Variants in ITGAV observed in about 807,000 individuals in gnomAD.
ITGAV encodes the protein integrin subunit alpha V, also known as integrin alpha-V.
Under a neutral mutation model 143.8 loss-of-function variants are expected in ITGAV, and 76 were observed. The observed-to-expected ratio is 0.53, with a 90% confidence interval of 0.44 to 0.64. The LOEUF (loss-of-function observed/expected upper bound fraction) is 0.64, where lower values mean the gene tolerates loss of function less well. Ranked by LOEUF, ITGAV falls within the 30% of genes least tolerant of loss-of-function variation. The pLI, the probability that ITGAV is intolerant of heterozygous loss-of-function variation, is 0.00. For synonymous variants in ITGAV, 453 were observed against 446.7 expected (o/e 1.01, Z -0.18); for missense variants, 1,193 against 1,274.7 (o/e 0.94, Z 0.98).
At chr2:186,608,132 G>T (rs1687119384) in intron 2 of ITGAV, among the ~76,000 whole-genome samples, 1 of 152,176 alleles carries the variant, frequency 6.6e-6, no homozygotes, top group African/African-American at 2.4e-5. Context: ...GTGGACAGTT[G>T]TATAGGAAAG....
At chr2:186,613,211 G>A (rs1009786073) in intron 2 of ITGAV, among the ~76,000 whole-genome samples, 11 of 150,148 alleles carry the variant, frequency 7.3e-5, no homozygotes, top group Non-Finnish European at 1.5e-4. Flanking sequence ...GATGCTTTCA[G>A]GATCATTTCC....
intron 18 of ITGAV, among the ~76,000 whole-genome samples, chr2:186,662,262 A>G (rs1023215231): frequency 6.6e-6 from 1 of 152,190 alleles, no homozygotes; most frequent in Non-Finnish European, 1.5e-5. Context: ...GCATGATGTA[A>G]AGAATCACCA....
intron 24 of ITGAV, among the ~76,000 whole-genome samples, chr2:186,668,185 C>CATACATAT (rs1553505648): frequency 5.2e-5 from 1 of 19,076 alleles, no homozygotes; most frequent in African/African-American, 2.0e-4. Flanking sequence ...TACATACATA[C>CATACATAT]ATATATATAT....
chr2:186,672,577 A>T (rs1574505320), intron 26 of ITGAV, among the ~76,000 whole-genome samples: 1 of 152,192 alleles, frequency 6.6e-6, no homozygotes, highest in Admixed American at 6.5e-5. Context: ...ATCTTTGTCA[A>T]CACTTATTAT....
chr2:186,611,237 T>C (rs1687208355), intron 2 of ITGAV, among the ~76,000 whole-genome samples: 2 of 152,170 alleles, frequency 1.3e-5, no homozygotes. Context: ...TATTTCAAGG[T>C]CCTTAATTTG....
At chr2:186,648,992 GTATATATATACACATTTGTGTGTATA>G (rs1688346106) in intron 13 of ITGAV, among the ~76,000 whole-genome samples, 1 of 7,766 alleles carries the variant, frequency 1.3e-4, no homozygotes, top group South Asian at 8.6e-3. Context: ...ACATTTGTGT[GTATATATATACACATTTGTGTGTATA>G]TATATACACA....
chr2:186,669,549 T>TA, intron 25 of ITGAV, 152 bp from the exon 26 acceptor site: 3 of 594,594 alleles, frequency 5.0e-6, no homozygotes, highest in Middle Eastern at 4.6e-4. Context: ...TTTCTGTCCT[T>TA]ACTGCTCACT....
At chr2:186,619,629 C>T (rs1199745230) in intron 2 of ITGAV, among the ~76,000 whole-genome samples, 1 of 152,118 alleles carries the variant, frequency 6.6e-6, no homozygotes, top group Non-Finnish European at 1.5e-5. Flanking sequence ...GATAAGTATA[C>T]ATTATATGTA....
chr2:186,642,166 C>G (rs998220451), intron 12 of ITGAV, among the ~76,000 whole-genome samples: 7 of 152,082 alleles, frequency 4.6e-5, no homozygotes, highest in Non-Finnish European at 8.8e-5. Flanking sequence ...CTTTAAAAAG[C>G]AAAGTTAGCT....
At chr2:186,628,048 T>C (rs573645119) in intron 4 of ITGAV, among the ~76,000 whole-genome samples, 228 of 152,270 alleles carry the variant, frequency 1.5e-3, no homozygotes, top group Admixed American at 3.3e-3. Context: ...ATTCTGACTT[T>C]GTGCTGACAA....
intron 20 of ITGAV, 140 bp from the exon 21 acceptor site, chr2:186,664,986 A>G: frequency 3.2e-6 from 2 of 629,396 alleles, no homozygotes; most frequent in Non-Finnish European, 2.7e-6. Context: ...TGGCAATTGT[A>G]CCCAATTCTG....
chr2:186,614,618 G>C (rs576521951), intron 2 of ITGAV, among the ~76,000 whole-genome samples: 1 of 151,880 alleles, frequency 6.6e-6, no homozygotes, highest in African/African-American at 2.4e-5. Context: ...TTTCTGGTAA[G>C]CTTGAGTCTT....
At chr2:186,656,594 T>C (rs1345444389) in intron 17 of ITGAV, among the ~76,000 whole-genome samples, 193 bp downstream of exon 17, 1 of 152,204 alleles carries the variant, frequency 6.6e-6, no homozygotes, top group Admixed American at 6.5e-5. Flanking sequence ...ATATTCCAAA[T>C]GGCCTTTCCA....
intron 15 of ITGAV, among the ~76,000 whole-genome samples, chr2:186,654,051 G>A (rs540855724): frequency 5.9e-5 from 9 of 152,218 alleles, no homozygotes; most frequent in African/African-American, 1.4e-4. Context: ...AATCTGAACC[G>A]TTGGCTAGGC....
intron 4 of ITGAV, among the ~76,000 whole-genome samples, chr2:186,629,547 T>C (rs1040881345): frequency 6.6e-6 from 1 of 151,914 alleles, no homozygotes; most frequent in Non-Finnish European, 1.5e-5. Flanking sequence ...TGGTTTAGCA[T>C]TATACTCTTG....
chr2:186,676,777 A>G (rs1689222198), intron 28 of ITGAV, 36 bp from the exon 29 acceptor site: 1 of 1,600,134 alleles, frequency 6.2e-7, no homozygotes, highest in Non-Finnish European at 8.5e-7. Context: ...AAGTCAATGG[A>G]CTGTTTTTAA....
chr2:186,590,417 C>T lies in ITGAV; in HGVS notation c.79C>T (p.Leu27=). ...TCTTCTCTCGGGACTCCTGCTACCTCTGTGCCGCGCCTTCAACCTAGACGT... is the reference window on the plus strand; with the variant it reads ...TCTTCTCTCGGGACTCCTGCTACCTTTGTGCCGCGCCTTCAACCTAGACGT... ...PLLLSGLLLP[L]CRAFNLDVDS... is the part of the protein sequence containing the mutation. The change falls in exon 1 of 30, where the codon CTG becomes TTG. Residue 27 remains leucine, a synonymous_variant. Coordinates refer to ENST00000261023, the MANE Select transcript of ITGAV (RefSeq NM_002210.5). 6.2e-7 allele frequency: 1 copy of T among 1,613,068 alleles called. No homozygotes were observed. The highest frequency in any genetic ancestry group is 8.5e-7 in the Non-Finnish European group (1 of 1,179,838).
intron 14 of ITGAV, among the ~76,000 whole-genome samples, chr2:186,651,330 AC>A (rs1408667432): frequency 6.6e-6 from 1 of 152,136 alleles, no homozygotes; most frequent in East Asian, 1.9e-4. Flanking sequence ...TAGGATTTAA[AC>A]CTGTGTATCT....
At chr2:186,595,250 A>G (rs1015840206) in intron 1 of ITGAV, among the ~76,000 whole-genome samples, 2 of 152,266 alleles carry the variant, frequency 1.3e-5, no homozygotes, top group Non-Finnish European at 2.9e-5. Flanking sequence ...GCTTTATCTT[A>G]GAAAGGTCAG....
Sources: allele counts gnomAD v4.1 joint callset (sites outside exome capture counted in the v4.1 genomes callset), GRCh38; gene constraint gnomAD v4.1.1; transcripts MANE v1.5; gene names NCBI Gene and HGNC (gene_info 2026-07-23, HGNC 2026-07-21).